MIPOL1: variants seen among roughly 807,000 people sequenced by gnomAD.
MIPOL1 encodes the protein mirror-image polydactyly gene 1 protein.
Under a neutral mutation model 60.9 loss-of-function variants are expected in MIPOL1, and 57 were observed. That is an observed-to-expected ratio of 0.94 (90% confidence interval 0.76 to 1.17). MIPOL1 has a LOEUF of 1.17. Among genes scored for constraint, MIPOL1 ranks in the 50% most tolerant of loss-of-function variants. The pLI is 0.00. For missense variants in MIPOL1, 551 were observed against 511.6 expected, an observed-to-expected ratio of 1.08 and a Z score of -0.74; for synonymous variants, 179 against 168.8, an observed-to-expected ratio of 1.06 and a Z score of -0.47.
intron 11 of MIPOL1, among the ~76,000 whole-genome samples, chr14:37,492,336 A>G (rs1291407156): frequency 1.3e-5 from 2 of 152,208 alleles, no homozygotes; most frequent in African/African-American, 4.8e-5. Flanking sequence ...AAAAAGAATG[A>G]TTTAAGAATG....
rs148666982 is a variant in MIPOL1 at position 37,383,113 on chromosome 14, G to A, written c.936+13489G>A. On this transcript the variant is annotated intron_variant, in intron 10 of 12. Transcript: ENST00000684589. ...CTTTGAATCGTGTACAACCATAATCGTATCTAAATGGCATTTATATTATCT... is the reference window on the plus strand; with the variant it reads ...CTTTGAATCGTGTACAACCATAATCATATCTAAATGGCATTTATATTATCT... Among the ~76,000 whole-genome samples the A allele has an allele frequency of 8.8e-3, 1,331 of 151,442 alleles. 11 individuals are homozygous for A. The highest frequency in any genetic ancestry group is 0.011 in the Non-Finnish European group (766 of 67,730).
chr14:37,460,928 C>T (rs938111326), intron 11 of MIPOL1, among the ~76,000 whole-genome samples: 13 of 152,042 alleles, frequency 8.6e-5, no homozygotes, highest in African/African-American at 3.1e-4. Flanking sequence ...ATCATATTCC[C>T]CAAAGGAATA....
At chr14:37,257,103 G>GTGTT (rs928254666) in intron 3 of MIPOL1, among the ~76,000 whole-genome samples, 5 of 149,846 alleles carry the variant, frequency 3.3e-5, no homozygotes, top group South Asian at 2.1e-4. Flanking sequence ...TTTTGTGTGT[G>GTGTT]TGTGTGTGTG....
intron 6 of MIPOL1, among the ~76,000 whole-genome samples, chr14:37,271,986 C>T (rs2083331998): frequency 6.6e-6 from 1 of 151,418 alleles, no homozygotes; most frequent in Non-Finnish European, 1.5e-5. Context: ...AGATACTTTA[C>T]ATATTTATTT....
intron 11 of MIPOL1, among the ~76,000 whole-genome samples, chr14:37,451,670 T>C (rs2094418606): frequency 6.6e-6 from 1 of 152,098 alleles, no homozygotes; most frequent in Non-Finnish European, 1.5e-5. Context: ...CAATTGATTT[T>C]AAAAATCAAA....
At chr14:37,211,437 T>G (rs1027054985) in intron 1 of MIPOL1, among the ~76,000 whole-genome samples, 1 of 151,898 alleles carries the variant, frequency 6.6e-6, no homozygotes, top group Non-Finnish European at 1.5e-5. Context: ...TTGTGAAACA[T>G]TGAACTCAGT....
intron 11 of MIPOL1, among the ~76,000 whole-genome samples, chr14:37,470,416 G>A (rs1053064668): frequency 6.6e-6 from 1 of 151,984 alleles, no homozygotes; most frequent in African/African-American, 2.4e-5. Flanking sequence ...CATGGGGACG[G>A]ATTTCCCCCT....
At chr14:37,227,563 A>G (rs186928126) in intron 1 of MIPOL1, among the ~76,000 whole-genome samples, 2 of 152,226 alleles carry the variant, frequency 1.3e-5, no homozygotes, top group Admixed American at 1.3e-4. Flanking sequence ...AGTCTCAGGC[A>G]CCACAGAATC....
chr14:37,369,589 C>A lies in MIPOL1; in HGVS notation c.901C>A (p.Leu301Met). Residue 301 changes from leucine to methionine, a missense_variant, in exon 10 of 13, where the codon CTG becomes ATG. Coordinates refer to ENST00000684589, the MANE Select transcript of MIPOL1 (RefSeq NM_001388067.1). ...NQTSANNMRH[L>M]TAENNQERAL... is the part of the protein sequence containing the mutation. The stretch of plus-strand genomic sequence containing the variant: ...GACTTCAGCAAACAACATGAGACAT[C>A]TGACTGCTGAAAACAATCAAGAACG... 1 of 1,613,172 alleles carries A rather than the reference C, an allele frequency of 6.2e-7. No individual in the cohort carries two copies. Among genetic ancestry groups the A allele is most frequent in the Non-Finnish European group, 8.5e-7 (1 of 1,179,374 alleles).
At chr14:37,337,267 A>C (rs2090197787) in intron 9 of MIPOL1, among the ~76,000 whole-genome samples, 1 of 133,850 alleles carries the variant, frequency 7.5e-6, no homozygotes, top group Non-Finnish European at 1.5e-5. Context: ...CTTGATGTGC[A>C]TTTCCCTAAT....
At chr14:37,330,846 G>A (rs1048523588) in intron 9 of MIPOL1, among the ~76,000 whole-genome samples, 1 of 151,990 alleles carries the variant, frequency 6.6e-6, no homozygotes, top group Non-Finnish European at 1.5e-5. Flanking sequence ...AGAGAGGGAT[G>A]GGTTAAACAG....
chr14:37,217,853 C>T (rs1968015757), intron 1 of MIPOL1, among the ~76,000 whole-genome samples: 1 of 152,142 alleles, frequency 6.6e-6, no homozygotes, highest in Non-Finnish European at 1.5e-5. Flanking sequence ...CCACTTTCAC[C>T]ACTGTTATTC....
intron 5 of MIPOL1, 99 bp from the exon 6 acceptor site, chr14:37,270,321 A>G (rs1385911753): frequency 1.9e-6 from 1 of 536,318 alleles, no homozygotes; most frequent in Non-Finnish European, 3.2e-6. Flanking sequence ...GTTAAATATA[A>G]TATAAGAATT....
rs562244679 is a variant in MIPOL1, at chr14:37,435,424, C to T, written c.1031+12475C>T. ...AATAGTGTACCCTCTTACTACATCACTCTATTTGTTACCCTCCTTTATTAT... is the reference window on the plus strand; with the variant it reads ...AATAGTGTACCCTCTTACTACATCATTCTATTTGTTACCCTCCTTTATTAT... On this transcript the variant is annotated intron_variant, in intron 11 of 12. Coordinates refer to ENST00000684589, the MANE Select transcript of MIPOL1 (RefSeq NM_001388067.1). 1.4e-3 allele frequency among the ~76,000 whole-genome samples: 218 copies of T among 152,158 alleles called. 1 individual carries two copies. Among genetic ancestry groups the T allele is most frequent in the Non-Finnish European group, 2.6e-3 (175 of 68,032 alleles).
At chr14:37,524,580 T>TG (rs2095435281) in intron 12 of MIPOL1, among the ~76,000 whole-genome samples, 2 of 143,304 alleles carry the variant, frequency 1.4e-5, no homozygotes, top group African/African-American at 5.3e-5. Context: ...CTTTTTTTTT[T>TG]TTTTTGAGAT....
intron 10 of MIPOL1, among the ~76,000 whole-genome samples, chr14:37,380,437 T>G (rs1183845209): frequency 6.6e-6 from 1 of 152,066 alleles, no homozygotes; most frequent in African/African-American, 2.4e-5. Flanking sequence ...CAGTGAAAGG[T>G]GATTCCATGG....
At position 37,259,074 on chromosome 14, in the gene MIPOL1, G is replaced by T. The variant is rs139946566; in HGVS notation, c.20-7864G>T. Among the ~76,000 whole-genome samples, 422 of 152,164 alleles carry T rather than the reference G, an allele frequency of 2.8e-3. 3 individuals are homozygous for T. Among genetic ancestry groups the T allele is most frequent in the African/African-American group, 9.9e-3 (411 of 41,534 alleles). On this transcript the variant is annotated intron_variant, in intron 3 of 12. Transcript: ENST00000684589. Reference sequence around the variant, plus strand: ...AACCATGTGTAGGAGTATAAAGGATGCAGTTTATTTTGTATCTCCAACTCT... The same window carrying T: ...AACCATGTGTAGGAGTATAAAGGATTCAGTTTATTTTGTATCTCCAACTCT...
intron 12 of MIPOL1, among the ~76,000 whole-genome samples, chr14:37,526,369 CT>C (rs1191140443): frequency 0.025 from 3,247 of 128,116 alleles, 38 homozygotes; most frequent in Non-Finnish European, 0.037. Context: ...TACTTCTTTT[CT>C]TTTTTTTTTT....
intron 8 of MIPOL1, 102 bp downstream of exon 8, chr14:37,308,191 A>T (rs2086953916): frequency 8.7e-6 from 11 of 1,264,062 alleles, no homozygotes; most frequent in Non-Finnish European, 1.2e-5. Flanking sequence ...GAAAAAGAAG[A>T]ATTGACACAC....
Sources: gnomAD v4.1 joint callset for allele counts (sites outside exome capture counted in the v4.1 genomes callset) on GRCh38, gnomAD v4.1.1 for gene constraint, MANE v1.5 for transcripts, NCBI Gene and HGNC (gene_info 2026-07-23, HGNC 2026-07-21) for gene names.